The following DOCK3 variants were observed in gnomAD, a reference collection of about 807,000 sequenced individuals.
DOCK3 encodes dedicator of cytokinesis protein 3.
In DOCK3, 60 loss-of-function variants were observed where a neutral mutation model predicts 265.6. That is an observed-to-expected ratio of 0.23 (90% confidence interval 0.18 to 0.28). The LOEUF is 0.28. Among genes scored for constraint, DOCK3 ranks in the 10% least tolerant of loss-of-function variants. The pLI is 1.00. For synonymous variants in DOCK3, 881 were observed against 938.0 expected, an observed-to-expected ratio of 0.94 and a Z score of 1.11; for missense variants, 1,981 against 2,594.3, an observed-to-expected ratio of 0.76 and a Z score of 5.14.
At chr3:51,016,944 AT>A (rs1559946603) in intron 5 of DOCK3, among the ~76,000 whole-genome samples, 1 of 36,282 alleles carries the variant, frequency 2.8e-5, no homozygotes, top group Non-Finnish European at 4.4e-5. Flanking sequence ...AATATATGTT[AT>A]ATATAATATA....
rs115592695 is a variant in DOCK3 at position 50,821,289 on chromosome 3, C to A, written c.122-20386C>A. 7.6e-3 allele frequency among the ~76,000 whole-genome samples: 1,154 copies of A among 151,658 alleles called. 18 individuals carry two copies. Among genetic ancestry groups the A allele is most frequent in the African/African-American group, 0.027 (1,110 of 41,400 alleles). On this transcript the variant is annotated intron_variant, in intron 2 of 52. Coordinates refer to ENST00000266037, the MANE Select transcript of DOCK3 (RefSeq NM_004947.5). ...GCCGAGAAGGTATTTCCTAGGTTTT[C>A]TTCTAGGATTTTTTTTTCTTTTTTT...
At chr3:51,182,964 A>C (rs552124593) in intron 12 of DOCK3, among the ~76,000 whole-genome samples, 2 of 152,320 alleles carry the variant, frequency 1.3e-5, no homozygotes, top group East Asian at 1.9e-4. Context: ...CTCTGAGTAC[A>C]GTTTTTATAC....
At chr3:50,974,884 T>A (rs1417319831) in intron 5 of DOCK3, among the ~76,000 whole-genome samples, 2 of 121,710 alleles carry the variant, frequency 1.6e-5, no homozygotes, top group Admixed American at 1.7e-4. Flanking sequence ...TCCTAGGTAT[T>A]TTATTCTCTT....
intron 5 of DOCK3, among the ~76,000 whole-genome samples, chr3:50,964,351 T>G (rs1021047240): frequency 1.3e-5 from 2 of 152,182 alleles, no homozygotes; most frequent in African/African-American, 4.8e-5. Flanking sequence ...ATATTGGAAT[T>G]ACCAAACAAT....
At chr3:51,282,111 A>G (rs997434635) in intron 27 of DOCK3, among the ~76,000 whole-genome samples, 5 of 152,152 alleles carry the variant, frequency 3.3e-5, no homozygotes, top group Non-Finnish European at 4.4e-5. Context: ...CCAATTGGCT[A>G]GCAACTTAGA....
chr3:51,326,502 G>T (rs573208235), intron 32 of DOCK3, among the ~76,000 whole-genome samples: 3 of 151,522 alleles, frequency 2.0e-5, no homozygotes, highest in African/African-American at 7.3e-5. Flanking sequence ...GACTGGTCTC[G>T]AGCTCCTGAC....
At chr3:50,951,827 A>G (rs1046247311) in intron 5 of DOCK3, among the ~76,000 whole-genome samples, 1 of 152,178 alleles carries the variant, frequency 6.6e-6, no homozygotes, top group Non-Finnish European at 1.5e-5. Flanking sequence ...CACTACTTTC[A>G]TGATGGCGTA....
intron 2 of DOCK3, among the ~76,000 whole-genome samples, chr3:50,825,033 G>A (rs1332300426): frequency 6.6e-6 from 1 of 151,996 alleles, no homozygotes; most frequent in Non-Finnish European, 1.5e-5. Flanking sequence ...CAGGCACTTG[G>A]GCAGATTATA....
rs1553868152 is a variant in DOCK3 at position 51,354,223 on chromosome 3, C to CT, written c.4108-659_4108-658insT. On this transcript the variant is annotated intron_variant, in intron 40 of 52. Transcript: ENST00000266037. ...CAGAATCACACACTTGATCACCACC[C>CT]CCCCCCCATTTAAAATTATTTGGTG... Among the ~76,000 whole-genome samples, 4 of 128,654 alleles carry CT rather than the reference C, an allele frequency of 3.1e-5. No individual in the cohort carries two copies. The East Asian group carries it at 1.8e-3, about 57-fold the overall frequency. 84.4% of individuals were successfully genotyped at this position (128,654 alleles called of 152,430 possible). A position where few individuals can be genotyped will look rare whatever the true frequency, so the allele number is the denominator to read the frequency against.
At position 51,381,648 on chromosome 3, in the gene DOCK3, A is replaced by G; in HGVS notation, c.*89A>G. ...AAAGCAAGTCCCCCAGCCCCACCCC[A>G]GGGAGCCAGAGAGGCTTGCACTCAG... is the stretch of plus-strand genomic sequence containing the variant. On this transcript the variant is annotated 3_prime_UTR_variant, in exon 53 of 53. Coordinates refer to ENST00000266037, the MANE Select transcript of DOCK3 (RefSeq NM_004947.5). The surrounding 1 kb of genome is among the most constrained non-coding windows in gnomAD (Gnocchi z 5.6). The G allele has an allele frequency of 1.4e-6, 2 of 1,428,660 alleles. No individual in the cohort carries two copies. Among genetic ancestry groups the G allele is most frequent in the Non-Finnish European group, 1.8e-6 (2 of 1,094,298 alleles). 88.5% of individuals were successfully genotyped at this position (1,428,660 alleles called of 1,614,324 possible).
In DOCK3 at chr3:51,153,157, C is replaced by T. The variant is rs373764696; in HGVS notation, c.829-6087C>T. On this transcript the variant is annotated intron_variant, in intron 10 of 52. Coordinates refer to ENST00000266037, the MANE Select transcript of DOCK3 (RefSeq NM_004947.5). ...TTGCAGAGCTGTGGTGGGCTCTGCC[C>T]GTTGGAGCTTCCCCAGCCGCTTTGT... Among the ~76,000 whole-genome samples the T allele has an allele frequency of 1.6e-3, 251 of 152,332 alleles. 2 individuals carry two copies. The highest frequency in any genetic ancestry group is 7.9e-3 in the East Asian group (41 of 5,188).
In DOCK3 at chr3:51,053,084, T is replaced by G. The variant is rs1252610328; in HGVS notation, c.316-11364T>G. Among the ~76,000 whole-genome samples the G allele has an allele frequency of 2.6e-3, 140 of 54,744 alleles. 1 individual carries two copies. The highest frequency in any genetic ancestry group is 4.0e-3 in the Admixed American group (21 of 5,302). The allele number at this position is 54,744 out of a possible 152,430, so 35.9% of individuals were successfully genotyped here. On this transcript the variant is annotated intron_variant, in intron 5 of 52. Transcript: ENST00000266037. ...ATCTTTTAAAAAAGTCAAAGATATATATATATATATATATATATATATATA... is the reference window on the plus strand; with the variant it reads ...ATCTTTTAAAAAAGTCAAAGATATAGATATATATATATATATATATATATA...
chr3:51,199,803 C>T (rs1446807871), intron 12 of DOCK3, among the ~76,000 whole-genome samples: 1 of 152,208 alleles, frequency 6.6e-6, no homozygotes, highest in East Asian at 1.9e-4. Flanking sequence ...CAGACTGACA[C>T]CTCACACGGC....
At chr3:50,947,959 C>G (rs927927480) in intron 5 of DOCK3, among the ~76,000 whole-genome samples, 12 of 143,996 alleles carry the variant, frequency 8.3e-5, no homozygotes, top group Admixed American at 7.7e-4. Context: ...AGGTTCATGC[C>G]ATTCTCCTGT....
At chr3:51,128,121 G>A (rs185204155) in intron 9 of DOCK3, among the ~76,000 whole-genome samples, 23 of 152,268 alleles carry the variant, frequency 1.5e-4, no homozygotes, top group Admixed American at 1.3e-3. Flanking sequence ...TGATAGCAGC[G>A]TTCCTTCTTC....
At chr3:51,159,183 A>C in intron 10 of DOCK3, 61 bp from the exon 11 acceptor site, 1 of 1,544,410 alleles carries the variant, frequency 6.5e-7, no homozygotes, top group Non-Finnish European at 8.9e-7. Flanking sequence ...AGAGATTCAA[A>C]ATGAATTTTT....
chr3:51,246,454 G>A (rs1423122850), intron 21 of DOCK3, among the ~76,000 whole-genome samples: 1 of 152,068 alleles, frequency 6.6e-6, no homozygotes, highest in Non-Finnish European at 1.5e-5. Context: ...GACTTGGGTG[G>A]AAACTTTCTT....
chr3:51,381,430 TGAG>T lies in DOCK3; in HGVS notation c.5966_5968del (p.Glu1989del). 1 of 1,611,054 alleles carries T rather than the reference TGAG, an allele frequency of 6.2e-7. No homozygotes were observed. The highest frequency in any genetic ancestry group is 1.1e-5 in the South Asian group (1 of 90,896). On this transcript the variant is annotated inframe_deletion, in exon 53 of 53. Coordinates refer to ENST00000266037, the MANE Select transcript of DOCK3 (RefSeq NM_004947.5). This position sits in a 1 kb window ranked among gnomAD's most constrained non-coding sequence, Gnocchi z 5.6. ...CCCGCCTGCCGGCCCTGGAGCACGA[TGAG>T]GGGGTGCTGCTGCGTGAAGAGACTG...
intron 38 of DOCK3, among the ~76,000 whole-genome samples, chr3:51,342,170 AAAAG>A (rs1423768425): frequency 1.3e-5 from 2 of 152,270 alleles, no homozygotes; most frequent in Non-Finnish European, 2.9e-5. Flanking sequence ...TTTTTCATCA[AAAAG>A]AAAGATTTAA....
Sources: gnomAD v4.1 joint callset for allele counts (sites outside exome capture counted in the v4.1 genomes callset) on GRCh38, gnomAD v4.1.1 for gene constraint, Gnocchi (gnomAD v3.1) non-coding constraint, MANE v1.5 for transcripts, NCBI Gene and HGNC (gene_info 2026-07-23, HGNC 2026-07-21) for gene names.